The following TUSC3 variants were observed in gnomAD, a reference collection of about 807,000 sequenced individuals.
The protein encoded by TUSC3 is tumor suppressor candidate 3, also known as dolichyl-diphosphooligosaccharide--protein glycosyltransferase subunit TUSC3.
TUSC3 carries 45 observed loss-of-function variants against 44.8 expected under a neutral mutation model. The ratio of observed to expected loss-of-function variants is 1.00; its 90% CI spans 0.79 to 1.29. TUSC3 has a LOEUF of 1.29. Among genes scored for constraint, TUSC3 ranks in the 50% most tolerant of loss-of-function variants. The pLI is 0.00. For synonymous variants in TUSC3, 212 were observed against 152.9 expected (o/e 1.39, Z -2.85); for missense variants, 519 against 437.9 (o/e 1.19, Z -1.65).
At chr8:15,619,627 G>A (rs2129162779) in intron 1 of TUSC3, among the ~76,000 whole-genome samples, 1 of 152,154 alleles carries the variant, frequency 6.6e-6, no homozygotes, top group Admixed American at 6.5e-5. Flanking sequence ...GAGTAGCTGG[G>A]ATTACAGGTG....
chr8:15,424,890 AAG>A (rs1367352981), intron 1 of TUSC3, among the ~76,000 whole-genome samples: 2 of 152,084 alleles, frequency 1.3e-5, no homozygotes, highest in Admixed American at 6.5e-5. Context: ...AAAAAAAAAA[AAG>A]AAAACTCGTT....
At chr8:15,494,718 C>T (rs1433254409) in intron 2 of TUSC3, among the ~76,000 whole-genome samples, 1 of 152,166 alleles carries the variant, frequency 6.6e-6, no homozygotes, top group Non-Finnish European at 1.5e-5. Flanking sequence ...TGGCATCACA[C>T]AGAATATCCA....
intron 1 of TUSC3, among the ~76,000 whole-genome samples, chr8:15,594,519 T>C (rs1036936544): frequency 4.6e-5 from 7 of 152,242 alleles, no homozygotes; most frequent in Non-Finnish European, 1.0e-4. Context: ...TTGAGGTTTG[T>C]TCTGGCTGTG....
chr8:15,756,725 G>A (rs758934678), intron 9 of TUSC3, among the ~76,000 whole-genome samples: 2 of 152,120 alleles, frequency 1.3e-5, no homozygotes, highest in African/African-American at 2.4e-5. Flanking sequence ...GAGGCTTATT[G>A]GCTTGCCACA....
chr8:15,508,850 C>T (rs1292651359), intron 2 of TUSC3, among the ~76,000 whole-genome samples: 1 of 152,210 alleles, frequency 6.6e-6, no homozygotes, highest in Non-Finnish European at 1.5e-5. Flanking sequence ...CTCTGCTACT[C>T]ACTCTGTCAA....
intron 1 of TUSC3, among the ~76,000 whole-genome samples, chr8:15,547,422 A>G (rs529304635): frequency 2.7e-4 from 41 of 151,792 alleles, no homozygotes; most frequent in African/African-American, 9.4e-4. Flanking sequence ...AAATTGTGAA[A>G]TCTTTTTGCT....
intron 1 of TUSC3, among the ~76,000 whole-genome samples, chr8:15,421,042 C>A (rs919623056): frequency 6.6e-6 from 1 of 152,158 alleles, no homozygotes; most frequent in Non-Finnish European, 1.5e-5. Context: ...CTTATATATC[C>A]AACTGCCTAC....
chr8:15,801,758 G>C, the TUSC3 span, among the ~76,000 whole-genome samples: 1 of 152,166 alleles, frequency 6.6e-6, no homozygotes, highest in Non-Finnish European at 1.5e-5. Context: ...AGAGCTGCAA[G>C]AGAACCTCCT....
chr8:15,834,115 T>C, the TUSC3 span, among the ~76,000 whole-genome samples: 4 of 152,252 alleles, frequency 2.6e-5, no homozygotes, highest in African/African-American at 9.6e-5. Flanking sequence ...CTCATTACTT[T>C]CTTTTTCACG....
chr8:15,576,413 A>T (rs1194561339), intron 1 of TUSC3, among the ~76,000 whole-genome samples: 1 of 147,580 alleles, frequency 6.8e-6, no homozygotes, highest in Non-Finnish European at 1.5e-5. Flanking sequence ...GCACCCACTA[A>T]CTAGTCATCT....
chr8:15,753,583 C>CTAAAGTTAACTTAGTAATAATAT (rs1811798207), intron 9 of TUSC3, among the ~76,000 whole-genome samples: 1 of 152,064 alleles, frequency 6.6e-6, no homozygotes, highest in South Asian at 2.1e-4. Context: ...TGTATATGTG[C>CTAAAGTTAACTTAGTAATAATAT]TAAAGTTAAC....
intron 1 of TUSC3, among the ~76,000 whole-genome samples, chr8:15,468,280 C>A (rs931961248): frequency 2.6e-4 from 40 of 152,076 alleles, no homozygotes; most frequent in Admixed American, 2.6e-3. Flanking sequence ...GAAAAAATTG[C>A]GTTTTCTAAG....
At chr8:15,733,507 T>A (rs1022294910) in intron 7 of TUSC3, 2 of 286,368 alleles carry the variant, frequency 7.0e-6, no homozygotes, top group Admixed American at 5.1e-5. Context: ...ATGGCAGGAA[T>A]TCTCCAAGGT....
chr8:15,568,262 T>C (rs966844142), intron 1 of TUSC3, among the ~76,000 whole-genome samples: 3 of 152,174 alleles, frequency 2.0e-5, no homozygotes, highest in African/African-American at 7.2e-5. Context: ...CATTCATTTA[T>C]TCCATAAAGA....
At chr8:15,806,731 G>C in the TUSC3 span, 5 of 799,274 alleles carry the variant, frequency 6.3e-6, no homozygotes, top group Non-Finnish European at 1.1e-5. Flanking sequence ...CAGCCAGAGA[G>C]GCTTTCACAT....
intron 1 of TUSC3, among the ~76,000 whole-genome samples, chr8:15,589,321 A>G (rs905062579): frequency 2.0e-5 from 3 of 152,096 alleles, no homozygotes; most frequent in African/African-American, 7.2e-5. Context: ...TTTGATTCAG[A>G]CTCTGCATCT....
chr8:15,517,757 T>C (rs561413707), intron 2 of TUSC3, among the ~76,000 whole-genome samples: 2 of 152,114 alleles, frequency 1.3e-5, no homozygotes, highest in Non-Finnish European at 2.9e-5. Context: ...CTTCATGCTT[T>C]TTAAATTTCT....
At chr8:15,644,942 C>G (rs768605702) in intron 2 of TUSC3, among the ~76,000 whole-genome samples, 3 of 152,072 alleles carry the variant, frequency 2.0e-5, no homozygotes, top group Admixed American at 6.6e-5. Flanking sequence ...CTAGCCAGAG[C>G]TATCCCTAAG....
At chr8:15,679,397 G>GT in intron 6 of TUSC3, among the ~76,000 whole-genome samples, 1 of 152,022 alleles carries the variant, frequency 6.6e-6, no homozygotes, top group Non-Finnish European at 1.5e-5. Flanking sequence ...CCACTTGCAT[G>GT]TTTTCTTTTG....
Sources: gnomAD v4.1 joint callset for allele counts (sites outside exome capture counted in the v4.1 genomes callset) on GRCh38, gnomAD v4.1.1 for gene constraint, MANE v1.5 for transcripts, NCBI Gene and HGNC (gene_info 2026-07-23, HGNC 2026-07-21) for gene names.